MEGF10: variants seen among roughly 807,000 people sequenced by gnomAD.
MEGF10 encodes multiple EGF like domains 10.
A neutral mutation model predicts 147.5 loss-of-function variants in MEGF10; 86 were observed. The ratio of observed to expected loss-of-function variants is 0.58; its 90% confidence interval spans 0.49 to 0.70. MEGF10 has a LOEUF of 0.70. Among genes scored for constraint, MEGF10 ranks in the 30% least tolerant of loss-of-function variants. MEGF10 has a pLI of 0.00. For synonymous variants in MEGF10, 478 were observed against 525.5 expected (o/e 0.91, Z 1.24); for missense variants, 1,329 against 1,487.3 (o/e 0.89, Z 1.75).
At chr5:127,238,029 CTATA>C in the MEGF10 span, among the ~76,000 whole-genome samples, 16,323 of 138,022 alleles carry the variant, frequency 0.12, 998 homozygotes, top group East Asian at 0.23. Flanking sequence ...AAACTTCAGA[CTATA>C]TATATATATA....
chr5:127,375,657 C>A (rs1762997642), intron 5 of MEGF10, among the ~76,000 whole-genome samples: 1 of 152,192 alleles, frequency 6.6e-6, no homozygotes, highest in Non-Finnish European at 1.5e-5. Context: ...TAGCTCTGTT[C>A]TTCCCCCCAT....
At position 127,434,694 on chromosome 5, in the gene MEGF10, C is replaced by T. The variant is rs1765498049; in HGVS notation, c.1848C>T (p.Ser616=). 6.2e-7 allele frequency: 1 copy of T among 1,611,610 alleles called. No homozygotes were observed. The highest frequency in any genetic ancestry group is 1.1e-5 in the South Asian group (1 of 90,756). ...FRGTTCQRIC[S]PGFYGHRCSQ... ...TTTCCCTTCTGTTTTCAGTCTGCTC[C>T]CCTGGTTTTTATGGGCATCGCTGCA... The change falls in exon 15 of 25, where the codon TCC becomes TCT. Residue 616 remains serine (S), a synonymous_variant. Coordinates refer to ENST00000503335, the MANE Select transcript of MEGF10 (RefSeq NM_001256545.2).
intron 1 of MEGF10, among the ~76,000 whole-genome samples, chr5:127,293,670 G>C (rs1447594837): frequency 6.6e-6 from 1 of 152,160 alleles, no homozygotes; most frequent in Non-Finnish European, 1.5e-5. Context: ...ATGCAAATCT[G>C]ATCATGTTAT....
At chr5:127,341,778 A>G (rs139014987) in intron 4 of MEGF10, among the ~76,000 whole-genome samples, 372 of 152,320 alleles carry the variant, frequency 2.4e-3, no homozygotes, top group African/African-American at 8.5e-3. Context: ...CTTCTGTAAC[A>G]TATTGCAAAT....
At chr5:127,245,103 CTA>C in the MEGF10 span, among the ~76,000 whole-genome samples, 1 of 152,132 alleles carries the variant, frequency 6.6e-6, no homozygotes. Context: ...TAGAAAAAAA[CTA>C]TTTTAAATTT....
rs766792041 is a variant in MEGF10 at position 127,454,580 on chromosome 5, G to C, written c.2995G>C (p.Asp999His). The change falls in exon 23 of 25, where the codon GAC becomes CAC. Residue 999 changes from aspartate (D) to histidine (H), a missense_variant. Transcript: ENST00000503335. ...CTTTATTACAGGTGCTTTTGGACTT[G>C]ACAGAAGCTATATGGGAAAATCCTT... ...YLNELGAFGL[D>H]RSYMGKSLKD... is the part of the protein sequence containing the mutation. The C allele has an allele frequency of 1.2e-6, 2 of 1,609,116 alleles. No homozygotes were observed. The highest frequency in any genetic ancestry group is 1.1e-5 in the South Asian group (1 of 89,634).
chr5:127,419,926 C>T (rs940461246), intron 11 of MEGF10, 118 bp from the exon 12 acceptor site: 15 of 1,200,648 alleles, frequency 1.2e-5, no homozygotes, highest in Non-Finnish European at 1.6e-5. Context: ...TTCTCTGCTG[C>T]TGTGGCTGGG....
In MEGF10 at chr5:127,433,519, T is replaced by C. The variant is rs1326179032; in HGVS notation, c.1840+10T>C. The C allele has an allele frequency of 6.3e-7, 1 of 1,584,340 alleles. No homozygotes were observed. The highest frequency in any genetic ancestry group is 1.2e-5 in the South Asian group (1 of 86,184). On this transcript the variant is annotated intron_variant, in intron 14 of 24. Coordinates refer to ENST00000503335, the MANE Select transcript of MEGF10 (RefSeq NM_001256545.2). ...ACCACTTGTCAGAGGAGTAAGTGTCTCATTAGGCAGTAATTTCCACCTTCC... is the reference window on the plus strand; with the variant it reads ...ACCACTTGTCAGAGGAGTAAGTGTCCCATTAGGCAGTAATTTCCACCTTCC...
the MEGF10 span, among the ~76,000 whole-genome samples, chr5:127,251,518 A>G: frequency 2.2e-3 from 329 of 152,248 alleles, 1 homozygote; most frequent in Non-Finnish European, 3.5e-3. Context: ...GCTTGCTGCT[A>G]TTAATAATAA....
chr5:127,449,489 C>T (rs1417207146), intron 22 of MEGF10, among the ~76,000 whole-genome samples: 1 of 152,186 alleles, frequency 6.6e-6, no homozygotes, highest in African/African-American at 2.4e-5. Flanking sequence ...CATTCTTGCT[C>T]TATGCCTGTT....
chr5:127,400,535 T>G (rs1764086400), intron 7 of MEGF10, among the ~76,000 whole-genome samples: 1 of 152,232 alleles, frequency 6.6e-6, no homozygotes, highest in South Asian at 2.1e-4. Flanking sequence ...TACTCAGCCT[T>G]TTGCCAGTGT....
chr5:127,304,132 T>A (rs1759904656), intron 1 of MEGF10, among the ~76,000 whole-genome samples: 1 of 152,214 alleles, frequency 6.6e-6, no homozygotes, highest in South Asian at 2.1e-4. Flanking sequence ...ACATTGAACT[T>A]GTTGAATTAA....
chr5:127,340,109 A>G (rs1305242229), intron 3 of MEGF10, among the ~76,000 whole-genome samples: 1 of 152,172 alleles, frequency 6.6e-6, no homozygotes, highest in African/African-American at 2.4e-5. Context: ...CAATAAACAC[A>G]TGCTATGTAA....
chr5:127,369,200 T>G (rs1007551301), intron 4 of MEGF10, among the ~76,000 whole-genome samples: 36 of 152,216 alleles, frequency 2.4e-4, no homozygotes, highest in African/African-American at 8.4e-4. Context: ...AGGTTGATGA[T>G]AATGATTTGG....
At chr5:127,235,978 C>CT in the MEGF10 span, among the ~76,000 whole-genome samples, 161 of 148,180 alleles carry the variant, frequency 1.1e-3, no homozygotes, top group Non-Finnish European at 1.8e-3. Flanking sequence ...GGTCGGCAAA[C>CT]TTTTTTTTTT....
At chr5:127,301,617 C>A in intron 1 of MEGF10, among the ~76,000 whole-genome samples, 1 of 152,124 alleles carries the variant, frequency 6.6e-6, no homozygotes, top group East Asian at 1.9e-4. Context: ...TGAGGTATGA[C>A]AAACTGGGCT....
chr5:127,408,557 A>C (rs927462002), intron 8 of MEGF10, among the ~76,000 whole-genome samples: 3 of 152,208 alleles, frequency 2.0e-5, no homozygotes, highest in African/African-American at 7.2e-5. Flanking sequence ...CTCTGGTCCA[A>C]AAATAGGTGT....
chr5:127,424,211 G>A (rs969911828), intron 13 of MEGF10: 29 of 606,090 alleles, frequency 4.8e-5, no homozygotes, highest in South Asian at 1.6e-4. Flanking sequence ...TCTGGACTCC[G>A]TATTTCATTT....
At chr5:127,326,743 T>C (rs1761052143) in intron 1 of MEGF10, among the ~76,000 whole-genome samples, 1 of 152,176 alleles carries the variant, frequency 6.6e-6, no homozygotes, top group African/African-American at 2.4e-5. Context: ...CTATTCTTAA[T>C]CAATAAATTT....
Sources: gnomAD v4.1 joint callset for allele counts (sites outside exome capture counted in the v4.1 genomes callset) on GRCh38, gnomAD v4.1.1 for gene constraint, MANE v1.5 for transcripts, NCBI Gene and HGNC (gene_info 2026-07-23, HGNC 2026-07-21) for gene names.